The following KCNQ3 variants were observed in gnomAD, a reference collection of about 807,000 sequenced individuals.
KCNQ3 encodes potassium voltage-gated channel subfamily KQT member 3.
KCNQ3 carries 30 observed loss-of-function variants against 92.5 expected under a neutral mutation model. The ratio of observed to expected loss-of-function variants is 0.32; its 90% CI spans 0.24 to 0.44. The LOEUF (loss-of-function observed/expected upper bound fraction) is 0.44. KCNQ3 is among the 20% of genes least tolerant of loss of function. The probability of loss-of-function intolerance (pLI) is 1.00; values close to 1 mark genes in which losing one functional copy is unlikely to be tolerated. For synonymous variants in KCNQ3, 450 were observed against 468.8 expected, an observed-to-expected ratio of 0.96 and a Z score of 0.52; for missense variants, 913 against 1,140.3, an observed-to-expected ratio of 0.80 and a Z score of 2.87.
chr8:132,291,655 C>T (rs1192512052), intron 1 of KCNQ3, among the ~76,000 whole-genome samples: 1 of 152,132 alleles, frequency 6.6e-6, no homozygotes, highest in African/African-American at 2.4e-5. Flanking sequence ...CATGAGATTT[C>T]ACTTAGAAAA....
At chr8:132,456,829 G>T (rs931540922) in intron 1 of KCNQ3, among the ~76,000 whole-genome samples, 3 of 152,046 alleles carry the variant, frequency 2.0e-5, no homozygotes, top group African/African-American at 4.8e-5. Flanking sequence ...GCTCAAGCTG[G>T]TCTCAAACTC....
At chr8:132,140,964 G>A in intron 10 of KCNQ3, 165 bp downstream of exon 10, 1 of 691,514 alleles carries the variant, frequency 1.4e-6, no homozygotes, top group Non-Finnish European at 2.6e-6. Flanking sequence ...CAGCCCAAGG[G>A]ACAGGAGGAG....
intron 1 of KCNQ3, among the ~76,000 whole-genome samples, chr8:132,390,033 G>A (rs537121006): frequency 3.3e-5 from 5 of 152,164 alleles, no homozygotes; most frequent in South Asian, 2.1e-4. Context: ...AATATCCATC[G>A]ACTGCCATTG....
chr8:132,480,109 G>A (rs754090089), intron 1 of KCNQ3, 38 bp downstream of exon 1: 4 of 1,589,742 alleles, frequency 2.5e-6, no homozygotes, highest in South Asian at 1.1e-5. Flanking sequence ...CCCCAAGCGC[G>A]CCGCCGCCGA....
chr8:132,439,450 C>G (rs1821478506), intron 1 of KCNQ3, among the ~76,000 whole-genome samples: 1 of 152,038 alleles, frequency 6.6e-6, no homozygotes, highest in Non-Finnish European at 1.5e-5. Flanking sequence ...TCCATTAAAG[C>G]CTCCATTAAA....
intron 1 of KCNQ3, among the ~76,000 whole-genome samples, chr8:132,293,784 A>C (rs936896343): frequency 5.3e-5 from 8 of 152,282 alleles, no homozygotes; most frequent in Admixed American, 5.2e-4. Context: ...AGTGTCCAGA[A>C]ACTGGGTGAT....
chr8:132,411,941 G>A (rs1402950498), intron 1 of KCNQ3, among the ~76,000 whole-genome samples: 1 of 152,184 alleles, frequency 6.6e-6, no homozygotes, highest in African/African-American at 2.4e-5. Context: ...TCAATGAATG[G>A]CTTCCACCAC....
chr8:132,143,958 G>A lies in KCNQ3; in HGVS notation c.1263-2627C>T, dbSNP rs1419798384. On this transcript the variant is annotated intron_variant, in intron 9 of 14. Transcript: ENST00000388996. ...TCCGTATGAGATAAGTATATGAGGA[G>A]CTTAATTCCAGATAAACTAAGCAAG... Among the ~76,000 whole-genome samples, 5 of 152,158 alleles carry A rather than the reference G, an allele frequency of 3.3e-5. No individual in the cohort carries two copies. In the East Asian group the frequency reaches 9.6e-4, roughly 29 times the overall value.
chr8:132,205,106 C>T (rs962606379), intron 1 of KCNQ3, among the ~76,000 whole-genome samples: 14 of 152,108 alleles, frequency 9.2e-5, no homozygotes, highest in Admixed American at 8.5e-4. Context: ...TGATGTCTTC[C>T]TAATTTCTTC....
Position 132,149,591 on chromosome 8 carries a change from T to C in KCNQ3, c.1263-8260A>G, listed in dbSNP as rs559420832. ...TTCTGAGCCTTTTGGTTCTATGGCATTTATCTTCTTTGTTTTGGAACAGTA... is the reference window on the plus strand; with the variant it reads ...TTCTGAGCCTTTTGGTTCTATGGCACTTATCTTCTTTGTTTTGGAACAGTA... On this transcript the variant is annotated intron_variant, in intron 9 of 14. Coordinates refer to ENST00000388996, the MANE Select transcript of KCNQ3 (RefSeq NM_004519.4). Among the ~76,000 whole-genome samples the C allele has an allele frequency of 1.1e-4, 17 of 152,268 alleles. No homozygotes were observed. In the South Asian group the frequency reaches 1.7e-3, roughly 15 times the overall value.
Position 132,131,200 on chromosome 8 carries a change from A to C in KCNQ3, c.1884+980T>G, listed in dbSNP as rs572970508. Among the ~76,000 whole-genome samples the C allele has an allele frequency of 5.9e-5, 9 of 152,358 alleles. No individual in the cohort carries two copies. The East Asian group carries it at 1.5e-3, about 26-fold the overall frequency. ...ATGAAAACAAAATTCTTGATACAAC[A>C]AAAAGGAATAATTCAGATTTGCTTC... On this transcript the variant is annotated intron_variant, in intron 14 of 14. Coordinates refer to ENST00000388996, the MANE Select transcript of KCNQ3 (RefSeq NM_004519.4).
At chr8:132,235,891 T>C (rs1158961730) in intron 1 of KCNQ3, among the ~76,000 whole-genome samples, 1 of 152,206 alleles carries the variant, frequency 6.6e-6, no homozygotes, top group Non-Finnish European at 1.5e-5. Context: ...CCAAGTCCAT[T>C]TCTTGCTAGC....
At chr8:132,176,408 T>C (rs2130137629) in intron 4 of KCNQ3, among the ~76,000 whole-genome samples, 1 of 152,308 alleles carries the variant, frequency 6.6e-6, no homozygotes, top group Non-Finnish European at 1.5e-5. Flanking sequence ...CTTTCTCTCA[T>C]TCTATTCCAG....
chr8:132,282,126 GA>G (rs2130531113), intron 1 of KCNQ3, among the ~76,000 whole-genome samples: 1 of 152,240 alleles, frequency 6.6e-6, no homozygotes, highest in South Asian at 2.1e-4. Flanking sequence ...ACTCAACAGG[GA>G]TCCCTGCTCT....
intron 5 of KCNQ3, among the ~76,000 whole-genome samples, chr8:132,174,907 G>A (rs560697505): frequency 1.3e-5 from 2 of 152,318 alleles, no homozygotes; most frequent in East Asian, 3.9e-4. Context: ...GCCACTTACT[G>A]GCTGAAAGAC....
At chr8:132,197,273 C>T (rs758291170) in intron 1 of KCNQ3, among the ~76,000 whole-genome samples, 9 of 152,180 alleles carry the variant, frequency 5.9e-5, no homozygotes, top group Non-Finnish European at 1.0e-4. Flanking sequence ...AGGCTTCTGC[C>T]TAGGATAGAG....
At chr8:132,372,199 T>C (rs1819490614) in intron 1 of KCNQ3, among the ~76,000 whole-genome samples, 1 of 152,156 alleles carries the variant, frequency 6.6e-6, no homozygotes, top group South Asian at 2.1e-4. Context: ...TATTTCTTAG[T>C]GGTTCTGTCC....
At position 132,413,158 on chromosome 8, in the gene KCNQ3, G is replaced by T. The variant is rs945949893; in HGVS notation, c.386+66989C>A. Reference sequence around the variant, plus strand: ...TATATCATGCAACCAAAGTGTTCTCGCCACGCTACAAATGATCTTAAGTTC... The same window carrying T: ...TATATCATGCAACCAAAGTGTTCTCTCCACGCTACAAATGATCTTAAGTTC... On this transcript the variant is annotated intron_variant, in intron 1 of 14. Coordinates refer to ENST00000388996, the MANE Select transcript of KCNQ3 (RefSeq NM_004519.4). Among the ~76,000 whole-genome samples, 4 of 152,142 alleles carry T rather than the reference G, an allele frequency of 2.6e-5. No homozygotes were observed. The East Asian group carries it at 5.8e-4, about 22-fold the overall frequency.
At chr8:132,468,414 A>G (rs1419857980) in intron 1 of KCNQ3, among the ~76,000 whole-genome samples, 1 of 152,224 alleles carries the variant, frequency 6.6e-6, no homozygotes, top group Non-Finnish European at 1.5e-5. Context: ...CAAGGCAGAA[A>G]TAAACTTAAA....
Sources: allele counts gnomAD v4.1 joint callset (sites outside exome capture counted in the v4.1 genomes callset), GRCh38; gene constraint gnomAD v4.1.1; transcripts MANE v1.5; gene names NCBI Gene and HGNC (gene_info 2026-07-23, HGNC 2026-07-21).